TMPRSS11A: variants seen among roughly 807,000 people sequenced by gnomAD.
TMPRSS11A encodes the protein transmembrane serine protease 11A, also known as transmembrane protease serine 11A.
A neutral mutation model predicts 58.9 loss-of-function variants in TMPRSS11A; 53 were observed. That is an observed-to-expected ratio of 0.90 (90% CI 0.72 to 1.13). The LOEUF is 1.13. TMPRSS11A is among the 50% of genes most tolerant of loss of function. TMPRSS11A has a pLI of 0.00. For synonymous variants in TMPRSS11A, 167 were observed against 169.8 expected (o/e 0.98, Z 0.13); for missense variants, 493 against 499.3 (o/e 0.99, Z 0.12).
intron 1 of TMPRSS11A, among the ~76,000 whole-genome samples, chr4:67,952,573 C>T (rs1371275473): frequency 6.6e-6 from 1 of 152,264 alleles, no homozygotes; most frequent in East Asian, 1.9e-4. Context: ...CCTTTCCTCC[C>T]CATCCCCACA....
intron 8 of TMPRSS11A, 61 bp from the exon 9 acceptor site, chr4:67,914,791 G>T: frequency 7.0e-7 from 1 of 1,428,126 alleles, no homozygotes; most frequent in South Asian, 1.3e-5. Flanking sequence ...AGAGTGAAGT[G>T]AGCAGACTTT....
At chr4:67,946,699 A>C (rs1175966781) in intron 1 of TMPRSS11A, 128 bp from the exon 2 acceptor site, 1 of 919,304 alleles carries the variant, frequency 1.1e-6, no homozygotes, top group Non-Finnish European at 1.5e-6. Flanking sequence ...ATTTTGTTCA[A>C]TGTCATCTTG....
intron 1 of TMPRSS11A, among the ~76,000 whole-genome samples, chr4:67,957,463 G>A (rs890468716): frequency 3.9e-5 from 6 of 152,156 alleles, no homozygotes; most frequent in Non-Finnish European, 8.8e-5. Flanking sequence ...TTATGTTTTA[G>A]CAAAGAGGCT....
intron 3 of TMPRSS11A, among the ~76,000 whole-genome samples, chr4:67,933,675 G>A (rs1720684601): frequency 1.3e-5 from 2 of 152,114 alleles, no homozygotes; most frequent in South Asian, 4.1e-4. Flanking sequence ...TGGAAGACAT[G>A]TTTTTGAAAG....
At chr4:67,920,577 A>ATATGCATATATATACACACATATATATG (rs1295540173) in intron 7 of TMPRSS11A, among the ~76,000 whole-genome samples, 1 of 146,588 alleles carries the variant, frequency 6.8e-6, no homozygotes, top group African/African-American at 2.5e-5. Context: ...ACACACACAT[A>ATATGCATATATATACACACATATATATG]TATGCATATA....
intron 8 of TMPRSS11A, 114 bp from the exon 9 acceptor site, chr4:67,914,844 GT>G: frequency 1.2e-6 from 1 of 814,408 alleles, no homozygotes; most frequent in Non-Finnish European, 1.9e-6. Flanking sequence ...ACAGAATGAA[GT>G]TAATATAAGC....
At chr4:67,946,715 A>C (rs1332879765) in intron 1 of TMPRSS11A, 144 bp from the exon 2 acceptor site, 6 of 690,342 alleles carry the variant, frequency 8.7e-6, no homozygotes, top group Non-Finnish European at 1.3e-5. Context: ...TCTTGGTCTG[A>C]GAAGATGTGT....
chr4:67,914,619 CCGG>C lies in TMPRSS11A; in HGVS notation c.1061_1063del (p.Ala354del). 1 of 1,613,792 alleles carries C rather than the reference CCGG, an allele frequency of 6.2e-7. No individual in the cohort carries two copies. The highest frequency in any genetic ancestry group is 8.5e-7 in the Non-Finnish European group (1 of 1,179,864). ...GGCATCATAAATTCCTTCCATATAT[CCGG>C]CACAGAACATTCCAGGTTTTATATC... On this transcript the variant is annotated inframe_deletion, in exon 9 of 10. Transcript: ENST00000508048.
At chr4:67,932,253 C>T (rs1018817567) in intron 3 of TMPRSS11A, among the ~76,000 whole-genome samples, 193 bp from the exon 4 acceptor site, 1 of 152,118 alleles carries the variant, frequency 6.6e-6, no homozygotes. Flanking sequence ...GCCAGGGATC[C>T]TCTCCAAGAA....
chr4:67,949,902 T>C (rs989633139), intron 1 of TMPRSS11A, among the ~76,000 whole-genome samples: 1 of 152,192 alleles, frequency 6.6e-6, no homozygotes, highest in Non-Finnish European at 1.5e-5. Context: ...GCCATATTAG[T>C]CATTTGTGTA....
At chr4:67,932,402 A>G (rs1339620874) in intron 3 of TMPRSS11A, among the ~76,000 whole-genome samples, 1 of 152,180 alleles carries the variant, frequency 6.6e-6, no homozygotes, top group African/African-American at 2.4e-5. Context: ...TAGCAGAGAG[A>G]TACAGAGCAG....
chr4:67,924,266 A>G, intron 5 of TMPRSS11A, 100 bp from the exon 6 acceptor site: 1 of 973,302 alleles, frequency 1.0e-6, no homozygotes, highest in South Asian at 1.3e-5. Flanking sequence ...TATGGATTCT[A>G]GACAGTTGAA....
chr4:67,920,763 G>C (rs1033333841), intron 7 of TMPRSS11A, among the ~76,000 whole-genome samples: 6 of 151,694 alleles, frequency 4.0e-5, no homozygotes, highest in African/African-American at 1.5e-4. Flanking sequence ...TATTTTTCCT[G>C]ATCCTCTCCC....
At chr4:67,929,243 T>C (rs745520970) in intron 5 of TMPRSS11A, among the ~76,000 whole-genome samples, 21 of 152,084 alleles carry the variant, frequency 1.4e-4, no homozygotes, top group African/African-American at 1.9e-4. Context: ...GCCATAGAGA[T>C]AGACCTTGAT....
chr4:67,939,004 A>T (rs1720815645), intron 3 of TMPRSS11A, among the ~76,000 whole-genome samples: 1 of 152,166 alleles, frequency 6.6e-6, no homozygotes, highest in South Asian at 2.1e-4. Context: ...TGCTCTGGGC[A>T]GTAGGGACAT....
rs72851260 is a variant in TMPRSS11A at position 67,945,715 on chromosome 4, G to A, written c.133+735C>T. 4.8e-3 allele frequency among the ~76,000 whole-genome samples: 724 copies of A among 152,252 alleles called. 6 individuals carry two copies. Among genetic ancestry groups the A allele is most frequent in the African/African-American group, 0.016 (672 of 41,552 alleles). ...GCAGATAAGAGCGTTAAAGTGAGCA[G>A]CCTGAGTTATTTGTTTTATCACATA... is the stretch of plus-strand genomic sequence containing the variant. On this transcript the variant is annotated intron_variant, in intron 2 of 9. Coordinates refer to ENST00000508048, the MANE Select transcript of TMPRSS11A (RefSeq NM_001114387.2).
rs1168181253 is a variant in TMPRSS11A at position 67,944,498 on chromosome 4, AAAG to A, written c.252+18_252+20del. 7 of 1,599,742 alleles carry A rather than the reference AAAG, an allele frequency of 4.4e-6. No individual in the cohort carries two copies. The highest frequency in any genetic ancestry group is 2.3e-5 in the South Asian group (2 of 87,568). On this transcript the variant is annotated intron_variant, in intron 3 of 9. Coordinates refer to ENST00000508048, the MANE Select transcript of TMPRSS11A (RefSeq NM_001114387.2). ...TTCCACTTGCATTATTCTATGATAAAAAGAAGTTTACCTGACTCACCAAATTTT... is the reference window on the plus strand; with the variant it reads ...TTCCACTTGCATTATTCTATGATAAAAAGTTTACCTGACTCACCAAATTTT...
chr4:67,948,497 T>A (rs1721082666), intron 1 of TMPRSS11A, among the ~76,000 whole-genome samples: 1 of 152,186 alleles, frequency 6.6e-6, no homozygotes, highest in Admixed American at 6.5e-5. Flanking sequence ...GGATAAAAGT[T>A]AAAACTGTTT....
chr4:67,951,681 A>G (rs1356676692), intron 1 of TMPRSS11A, among the ~76,000 whole-genome samples: 1 of 151,994 alleles, frequency 6.6e-6, no homozygotes, highest in African/African-American at 2.4e-5. Context: ...TACAGACAGG[A>G]TATTTTTTCA....
Sources: allele counts gnomAD v4.1 joint callset (sites outside exome capture counted in the v4.1 genomes callset), GRCh38; gene constraint gnomAD v4.1.1; transcripts MANE v1.5; gene names NCBI Gene and HGNC (gene_info 2026-07-23, HGNC 2026-07-21).